VPS13C: variants seen among roughly 807,000 people sequenced by gnomAD.
VPS13C encodes intermembrane lipid transfer protein VPS13C.
In VPS13C, 358 loss-of-function variants were observed where a neutral mutation model predicts 456.8. That is an observed-to-expected ratio of 0.78 (90% CI 0.72 to 0.86). The LOEUF (loss-of-function observed/expected upper bound fraction) is 0.86. Ranked by LOEUF, VPS13C falls within the 40% of genes least tolerant of loss-of-function variation. The pLI, the probability that VPS13C is intolerant of heterozygous loss-of-function variation, is 0.00. For synonymous variants in VPS13C, 1,578 were observed against 1,486.7 expected, an observed-to-expected ratio of 1.06 and a Z score of -1.41; for missense variants, 4,818 against 4,385.4, an observed-to-expected ratio of 1.10 and a Z score of -2.79.
At chr15:61,897,677 T>G (rs1464074394) in intron 66 of VPS13C, among the ~76,000 whole-genome samples, 2 of 152,032 alleles carry the variant, frequency 1.3e-5, no homozygotes, top group Admixed American at 1.3e-4. Context: ...GAAAACACTC[T>G]GCAGGATATT....
At chr15:61,919,494 C>T in intron 57 of VPS13C, 45 bp from the exon 58 acceptor site, 2 of 1,445,060 alleles carry the variant, frequency 1.4e-6, no homozygotes, top group Non-Finnish European at 1.8e-6. Flanking sequence ...ATTAATTTGC[C>T]AATGTTTCTC....
chr15:61,931,001 T>G, intron 50 of VPS13C, 89 bp downstream of exon 50: 4 of 1,464,752 alleles, frequency 2.7e-6, no homozygotes, highest in Non-Finnish European at 9.4e-7. Context: ...AGATCTTTTT[T>G]GGATGATCCC....
rs1353532151 is a variant in VPS13C, at chr15:62,007,488, C to A, written c.1119-9G>T. 2 of 1,547,600 alleles carry A rather than the reference C, an allele frequency of 1.3e-6. No homozygotes were observed. The highest frequency in any genetic ancestry group is 1.3e-5 in the South Asian group (1 of 76,464). ...CAATTGCATATTTCCACCTGAAAAT[C>A]AAATTTTGTTAACGTAAATGTTAAT... On this transcript the variant is annotated splice_polypyrimidine_tract_variant and intron_variant, in intron 14 of 84. Transcript: ENST00000644861.
chr15:61,892,130 T>C (rs1255874678), intron 66 of VPS13C, among the ~76,000 whole-genome samples: 1 of 152,172 alleles, frequency 6.6e-6, no homozygotes, highest in Non-Finnish European at 1.5e-5. Flanking sequence ...ATGGGAAGCA[T>C]CACAAGTGCT....
At chr15:61,958,855 CACTT>C (rs1382913233) in intron 36 of VPS13C, 139 bp from the exon 37 acceptor site, 5 of 477,094 alleles carry the variant, frequency 1.0e-5, no homozygotes, top group Non-Finnish European at 1.8e-5. Context: ...AATCACAACT[CACTT>C]AAGTATTGCA....
intron 73 of VPS13C, among the ~76,000 whole-genome samples, chr15:61,879,945 A>G (rs2140900897): frequency 6.6e-6 from 1 of 152,260 alleles, no homozygotes; most frequent in South Asian, 2.1e-4. Flanking sequence ...TGCTGTAAAC[A>G]GTTTTTGAGA....
Position 62,034,949 on chromosome 15 carries a change from T to C in VPS13C, c.283+8A>G. The stretch of plus-strand genomic sequence containing the variant: ...GTTATTGAATGGTTATAACCTAAAA[T>C]AACATACTTGCTCCAGGGACAACAA... On this transcript the variant is annotated splice_region_variant and intron_variant, in intron 4 of 84. Coordinates refer to ENST00000644861, the MANE Select transcript of VPS13C (RefSeq NM_020821.3). The C allele has an allele frequency of 4.4e-6, 7 of 1,578,300 alleles. No individual in the cohort carries two copies. Among genetic ancestry groups the C allele is most frequent in the Non-Finnish European group, 6.0e-6 (7 of 1,159,138 alleles).
At chr15:61,857,606 A>C (rs1035007955) in intron 82 of VPS13C, among the ~76,000 whole-genome samples, 1 of 152,176 alleles carries the variant, frequency 6.6e-6, no homozygotes, top group Non-Finnish European at 1.5e-5. Flanking sequence ...ATGACGTGAT[A>C]ATGTTCTTTC....
intron 3 of VPS13C, among the ~76,000 whole-genome samples, chr15:62,037,461 T>TAATATAATAAATTTATTATAGTGTAAG: frequency 1.2e-5 from 1 of 81,746 alleles, no homozygotes; most frequent in Non-Finnish European, 2.4e-5. Flanking sequence ...TATATAAATA[T>TAATATAATAAATTTATTATAGTGTAAG]AATATAATAA....
At position 61,982,818 on chromosome 15, in the gene VPS13C, T is replaced by C. The variant is rs17271291; in HGVS notation, c.1915-245A>G. Among the ~76,000 whole-genome samples, 9,347 of 152,246 alleles carry C rather than the reference T, an allele frequency of 0.061. 346 individuals carry two copies. Among genetic ancestry groups the C allele is most frequent in the Non-Finnish European group, 0.084 (5,706 of 67,998 alleles). ...AAGGTGTAAAGTATGTTCTACAGCG[T>C]CATATGGATGTAGCAGCAGACATTA... On this transcript the variant is annotated intron_variant, in intron 20 of 84. Coordinates refer to ENST00000644861, the MANE Select transcript of VPS13C (RefSeq NM_020821.3).
chr15:61,856,229 C>T, intron 83 of VPS13C, 57 bp downstream of exon 83: 1 of 1,597,696 alleles, frequency 6.3e-7, no homozygotes, highest in East Asian at 2.3e-5. Context: ...TAGTTAACTG[C>T]AAAACAGTCT....
intron 67 of VPS13C, among the ~76,000 whole-genome samples, chr15:61,884,790 C>G (rs886941999): frequency 5.3e-5 from 8 of 152,020 alleles, no homozygotes; most frequent in African/African-American, 1.7e-4. Flanking sequence ...TAATGAGCAT[C>G]TTTAAAAATG....
chr15:61,982,332 C>T (rs72749730), intron 21 of VPS13C, 127 bp downstream of exon 21: 3 of 651,604 alleles, frequency 4.6e-6, no homozygotes, highest in South Asian at 2.5e-5. Flanking sequence ...CCACTCTATA[C>T]TGTAATACAG....
Position 61,949,601 on chromosome 15 carries a change from G to T in VPS13C, c.4601C>A (p.Ser1534Ter), listed in dbSNP as rs1294219168. The T allele has an allele frequency of 6.3e-7, 1 of 1,594,060 alleles. No homozygotes were observed. ...HDSTKQRLKVSFASLDLVLHL... is the reference protein window; with the variant it reads ...HDSTKQRLKV ...AAGTACTAAGTCTAAGGATGCAAAT[G>T]AAACCTAAGATAATGAACAATTAAA... The change falls in exon 42 of 85, where the codon TCA (serine) becomes TAA (stop). Residue 1534 changes from serine to a stop codon, truncating the protein, a stop_gained. Transcript: ENST00000644861. LOFTEE classifies it high-confidence loss of function.
chr15:61,887,965 G>C (rs542340382), intron 67 of VPS13C, among the ~76,000 whole-genome samples: 1 of 152,166 alleles, frequency 6.6e-6, no homozygotes, highest in East Asian at 1.9e-4. Flanking sequence ...TAAAAGACTG[G>C]TATCCAAAAT....
At chr15:62,022,255 C>G (rs1461962850) in intron 8 of VPS13C, among the ~76,000 whole-genome samples, 2 of 151,808 alleles carry the variant, frequency 1.3e-5, no homozygotes, top group Admixed American at 1.3e-4. Context: ...CCTATATATA[C>G]ATACGTATGA....
rs556217251 is a variant in VPS13C, at chr15:61,938,170, G to A, written c.5602-1420C>T. On this transcript the variant is annotated intron_variant, in intron 47 of 84. Coordinates refer to ENST00000644861, the MANE Select transcript of VPS13C (RefSeq NM_020821.3). ...TAACAGGTGTAATTTTAACACCTTA[G>A]AATTTCCTTGTATATCCCAACCCAC... is the stretch of plus-strand genomic sequence containing the variant. Among the ~76,000 whole-genome samples, 51 of 152,210 alleles carry A rather than the reference G, an allele frequency of 3.4e-4. No individual in the cohort carries two copies. The South Asian group carries it at 9.3e-3, about 28-fold the overall frequency.
chr15:61,919,217 C>T, intron 58 of VPS13C, 72 bp downstream of exon 58: 2 of 1,443,452 alleles, frequency 1.4e-6, no homozygotes, highest in South Asian at 1.4e-5. Context: ...TTACTGTATT[C>T]CTATATTCAG....
chr15:62,015,897 A>C (rs2047224515), intron 9 of VPS13C, among the ~76,000 whole-genome samples: 2 of 139,156 alleles, frequency 1.4e-5, no homozygotes, highest in Admixed American at 1.5e-4. Context: ...ACTAACCTGC[A>C]CAATGTGCAC....
Sources: allele counts gnomAD v4.1 joint callset (sites outside exome capture counted in the v4.1 genomes callset), GRCh38; gene constraint gnomAD v4.1.1; transcripts MANE v1.5; gene names NCBI Gene and HGNC (gene_info 2026-07-23, HGNC 2026-07-21).